Variants in FGF12 observed in about 807,000 individuals in gnomAD.
FGF12 encodes fibroblast growth factor 12.
Under a neutral mutation model 23.6 loss-of-function variants are expected in FGF12, and 14 were observed. That is an observed-to-expected ratio of 0.59 (90% CI 0.39 to 0.93). The LOEUF (loss-of-function observed/expected upper bound fraction) is 0.93. Ranked by LOEUF, FGF12 falls within the 40% of genes least tolerant of loss-of-function variation. The pLI, the probability that FGF12 is intolerant of heterozygous loss-of-function variation, is 0.00. For missense variants in FGF12, 175 were observed against 217.8 expected (o/e 0.80, Z 1.24); for synonymous variants, 62 against 77.3 (o/e 0.80, Z 1.04).
intron 4 of FGF12, among the ~76,000 whole-genome samples, chr3:192,288,492 T>A (rs1292150322): frequency 6.6e-6 from 1 of 152,134 alleles, no homozygotes; most frequent in Non-Finnish European, 1.5e-5. Context: ...GCTCTTTTGT[T>A]ATAGCTGATA....
chr3:192,430,483 G>T (rs1484660624), intron 2 of FGF12, among the ~76,000 whole-genome samples: 1 of 152,156 alleles, frequency 6.6e-6, no homozygotes, highest in African/African-American at 2.4e-5. Flanking sequence ...CTTAAAAATA[G>T]TAAAGATGGT....
intron 2 of FGF12, among the ~76,000 whole-genome samples, chr3:192,713,598 A>G (rs772456338): frequency 3.3e-5 from 5 of 152,204 alleles, no homozygotes; most frequent in Admixed American, 1.3e-4. Flanking sequence ...CATCTTTACT[A>G]AGACACGATT....
At chr3:192,496,824 T>A (rs778159827) in intron 2 of FGF12, among the ~76,000 whole-genome samples, 1 of 152,224 alleles carries the variant, frequency 6.6e-6, no homozygotes, top group African/African-American at 2.4e-5. Context: ...ATTCCTGTGT[T>A]ATCACACTCT....
At chr3:192,591,243 G>A (rs939673977) in intron 2 of FGF12, among the ~76,000 whole-genome samples, 1 of 150,738 alleles carries the variant, frequency 6.6e-6, no homozygotes, top group Non-Finnish European at 1.5e-5. Flanking sequence ...GAGTGCTCCT[G>A]GGGATTGGAA....
At chr3:192,322,209 C>T (rs1418480233) in intron 4 of FGF12, among the ~76,000 whole-genome samples, 12 of 151,926 alleles carry the variant, frequency 7.9e-5, no homozygotes, top group Non-Finnish European at 1.5e-4. Flanking sequence ...TTAAAAAAAT[C>T]AATTTACAAT....
rs1227107849 is a variant in FGF12, at chr3:192,347,849, C to A, written c.125-12385G>T. The stretch of plus-strand genomic sequence containing the variant: ...CCTGTTGAGACTTTCCAAGGCACTT[C>A]CTTCCATAAGAGTACATTTTGATAT... On this transcript the variant is annotated intron_variant, in intron 3 of 5. Transcript: ENST00000445105. Among the ~76,000 whole-genome samples the A allele has an allele frequency of 3.3e-5, 5 of 152,258 alleles. No individual in the cohort carries two copies. In the East Asian group the frequency reaches 9.7e-4, roughly 29 times the overall value.
At chr3:192,264,694 T>C (rs1425947397) in intron 4 of FGF12, among the ~76,000 whole-genome samples, 1 of 152,114 alleles carries the variant, frequency 6.6e-6, no homozygotes, top group Non-Finnish European at 1.5e-5. Context: ...CTTATGATGA[T>C]TTGACTCTTA....
At chr3:192,309,725 A>G (rs1486420503) in intron 4 of FGF12, among the ~76,000 whole-genome samples, 1 of 152,198 alleles carries the variant, frequency 6.6e-6, no homozygotes, top group Non-Finnish European at 1.5e-5. Context: ...GAGTGCATGG[A>G]AAGTTGAGAT....
intron 4 of FGF12, among the ~76,000 whole-genome samples, chr3:192,297,945 C>A (rs1715135395): frequency 6.6e-6 from 1 of 152,148 alleles, no homozygotes; most frequent in Non-Finnish European, 1.5e-5. Flanking sequence ...TCCATACATT[C>A]TCAAAAATGG....
chr3:192,633,998 T>C (rs529609643), intron 2 of FGF12, among the ~76,000 whole-genome samples: 156 of 152,328 alleles, frequency 1.0e-3, no homozygotes, highest in African/African-American at 3.6e-3. Flanking sequence ...CAAAATCCAT[T>C]TAGGTCTAAA....
At chr3:192,279,969 A>G (rs1714049205) in intron 4 of FGF12, among the ~76,000 whole-genome samples, 1 of 152,214 alleles carries the variant, frequency 6.6e-6, no homozygotes, top group Non-Finnish European at 1.5e-5. Flanking sequence ...CTGATGAAAT[A>G]TTTTTAAAAT....
intron 2 of FGF12, among the ~76,000 whole-genome samples, chr3:192,424,161 C>T (rs781185085): frequency 2.0e-5 from 3 of 152,008 alleles, no homozygotes; most frequent in Non-Finnish European, 4.4e-5. Context: ...TCTTCACTGG[C>T]CACTTCCCCA....
At chr3:192,447,132 T>C (rs1308321112) in intron 2 of FGF12, among the ~76,000 whole-genome samples, 1 of 152,174 alleles carries the variant, frequency 6.6e-6, no homozygotes, top group African/African-American at 2.4e-5. Context: ...GAAATAGTAA[T>C]CAAGGGAAAG....
chr3:192,238,860 A>G (rs765070746), intron 4 of FGF12, among the ~76,000 whole-genome samples: 5 of 152,216 alleles, frequency 3.3e-5, no homozygotes, highest in Non-Finnish European at 7.3e-5. Context: ...TGCTAGGCCT[A>G]TCAATGGTGA....
chr3:192,565,488 C>T (rs1042525097), intron 2 of FGF12, among the ~76,000 whole-genome samples: 1 of 152,108 alleles, frequency 6.6e-6, no homozygotes, highest in Non-Finnish European at 1.5e-5. Context: ...ATTATAATAC[C>T]ATATTTTTAC....
At chr3:192,159,632 C>T (rs1299149371) in intron 5 of FGF12, among the ~76,000 whole-genome samples, 1 of 152,176 alleles carries the variant, frequency 6.6e-6, no homozygotes, top group Non-Finnish European at 1.5e-5. Context: ...TTTTTCCAAA[C>T]AAGATAGTCT....
intron 2 of FGF12, among the ~76,000 whole-genome samples, chr3:192,500,735 TG>T (rs754928277): frequency 6.6e-6 from 1 of 152,236 alleles, no homozygotes; most frequent in African/African-American, 2.4e-5. Context: ...ATAACTACAT[TG>T]TGCTTAATAA....
chr3:192,591,932 A>G (rs13060041), intron 2 of FGF12, among the ~76,000 whole-genome samples: 1 of 151,538 alleles, frequency 6.6e-6, no homozygotes, highest in African/African-American at 2.4e-5. Context: ...TTTTTGCCAC[A>G]GTACATAATC....
chr3:192,664,722 G>A (rs1041791021), intron 2 of FGF12, among the ~76,000 whole-genome samples: 6 of 151,914 alleles, frequency 3.9e-5, no homozygotes, highest in Non-Finnish European at 8.8e-5. Flanking sequence ...CTGGGATCAC[G>A]CCATTGCACT....
Sources: gnomAD v4.1 joint callset for allele counts (sites outside exome capture counted in the v4.1 genomes callset) on GRCh38, gnomAD v4.1.1 for gene constraint, MANE v1.5 for transcripts, NCBI Gene and HGNC (gene_info 2026-07-23, HGNC 2026-07-21) for gene names.